MAGI2: variants seen among roughly 807,000 people sequenced by gnomAD.
MAGI2 encodes membrane associated guanylate kinase, WW and PDZ domain containing 2.
Under a neutral mutation model 133.3 loss-of-function variants are expected in MAGI2, and 35 were observed. That is an observed-to-expected ratio of 0.26 (90% CI 0.20 to 0.35). The LOEUF (loss-of-function observed/expected upper bound fraction) is 0.35. MAGI2 is among the 10% of genes least tolerant of loss of function. The pLI is 1.00. For missense variants in MAGI2, 1,636 were observed against 1,863.4 expected (o/e 0.88, Z 2.25); for synonymous variants, 729 against 710.6 (o/e 1.03, Z -0.41).
At chr7:78,870,372 ATAG>A (rs1794936857) in intron 2 of MAGI2, among the ~76,000 whole-genome samples, 1 of 144,040 alleles carries the variant, frequency 6.9e-6, no homozygotes, top group South Asian at 2.2e-4. Context: ...AAAAAAAAAA[ATAG>A]TAGTAGGCAA....
intron 6 of MAGI2, among the ~76,000 whole-genome samples, chr7:78,473,325 T>C (rs1166165701): frequency 2.0e-5 from 3 of 152,110 alleles, no homozygotes; most frequent in Non-Finnish European, 2.9e-5. Context: ...ATAAATTGAA[T>C]CTACAGATTT....
At chr7:78,311,814 A>G (rs964944425) in intron 9 of MAGI2, among the ~76,000 whole-genome samples, 1 of 150,428 alleles carries the variant, frequency 6.6e-6, no homozygotes, top group Non-Finnish European at 1.5e-5. Context: ...TGTGTCATCC[A>G]GGCTGGAGTG....
chr7:79,153,843 C>G lies in MAGI2; in HGVS notation c.302-146637G>C, dbSNP rs1020358121. Among the ~76,000 whole-genome samples, 7 of 152,230 alleles carry G rather than the reference C, an allele frequency of 4.6e-5. No individual in the cohort carries two copies. In the East Asian group the frequency reaches 5.8e-4, roughly 13 times the overall value. Reference sequence around the variant, plus strand: ...TAAAGCCTCATTACTTCCAAGGCCACCTTTCACTGTGATCTAGTGTATAAA... The same window carrying G: ...TAAAGCCTCATTACTTCCAAGGCCAGCTTTCACTGTGATCTAGTGTATAAA... On this transcript the variant is annotated intron_variant, in intron 1 of 21. Transcript: ENST00000354212.
chr7:79,449,873 TATAC>T (rs1434811508), intron 1 of MAGI2, among the ~76,000 whole-genome samples: 7 of 84,734 alleles, frequency 8.3e-5, no homozygotes, highest in African/African-American at 3.1e-4. Context: ...CTGTGAGATA[TATAC>T]ATATATATAT....
At chr7:79,399,095 C>CTTTTTTGTTTTTTTTTTTTTTTTTTTTT (rs1845285057) in intron 1 of MAGI2, among the ~76,000 whole-genome samples, 1 of 106,298 alleles carries the variant, frequency 9.4e-6, no homozygotes, top group Admixed American at 9.9e-5. Flanking sequence ...TTTTTCTTTT[C>CTTTTTTGTTTTTTTTTTTTTTTTTTTTT]TTTTTTTTTT....
chr7:78,150,072 C>CAATTGCAA (rs1381844338), intron 16 of MAGI2, among the ~76,000 whole-genome samples: 14 of 152,250 alleles, frequency 9.2e-5, no homozygotes, highest in African/African-American at 3.4e-4. Flanking sequence ...AATCCAGCTT[C>CAATTGCAA]AATTGCAAAA....
At chr7:78,582,286 G>A (rs1463149590) in intron 3 of MAGI2, among the ~76,000 whole-genome samples, 1 of 152,166 alleles carries the variant, frequency 6.6e-6, no homozygotes, top group Non-Finnish European at 1.5e-5. Flanking sequence ...GAGCAACCAC[G>A]TGGGAAGTGA....
chr7:78,451,698 T>C (rs893209185), intron 6 of MAGI2, among the ~76,000 whole-genome samples: 2 of 152,144 alleles, frequency 1.3e-5, no homozygotes, highest in African/African-American at 4.8e-5. Flanking sequence ...AGTTTCTGCA[T>C]AAAGCACTGG....
rs373266529 is a variant in MAGI2, at chr7:78,256,645, GAATT to G, written c.1409-68_1409-65del. ...CAATTAACATTGACATAGAGAAATG[GAATT>G]ATTTACGAGACTAGTGAGAGGTGTT... is the stretch of plus-strand genomic sequence containing the variant. On this transcript the variant is annotated intron_variant, in intron 9 of 21. Coordinates refer to ENST00000354212, the MANE Select transcript of MAGI2 (RefSeq NM_012301.4). 161 of 1,369,918 alleles carry G rather than the reference GAATT, an allele frequency of 1.2e-4. No individual in the cohort carries two copies. In the African/African-American group the frequency reaches 2.0e-3, roughly 17 times the overall value. The allele number at this position is 1,369,918 out of a possible 1,614,324, so 84.9% of individuals were successfully genotyped here. A position where few individuals can be genotyped will look rare whatever the true frequency, so the allele number is the denominator to read the frequency against.
chr7:79,324,787 C>T (rs1375587611), intron 1 of MAGI2, among the ~76,000 whole-genome samples: 3 of 143,334 alleles, frequency 2.1e-5, no homozygotes, highest in East Asian at 4.1e-4. Context: ...AAGCAGTGAT[C>T]CTCATTTTTA....
intron 21 of MAGI2, among the ~76,000 whole-genome samples, chr7:78,074,644 G>T (rs1336987701): frequency 2.6e-5 from 4 of 152,072 alleles, no homozygotes; most frequent in Non-Finnish European, 5.9e-5. Context: ...CTATTATTTT[G>T]CTGTTACCCA....
At chr7:79,044,458 A>G (rs1584776288) in intron 1 of MAGI2, among the ~76,000 whole-genome samples, 1 of 152,316 alleles carries the variant, frequency 6.6e-6, no homozygotes, top group Non-Finnish European at 1.5e-5. Flanking sequence ...CATCCATAAA[A>G]AACCACAGCC....
intron 1 of MAGI2, among the ~76,000 whole-genome samples, chr7:79,364,919 T>A (rs66642181): frequency 0.27 from 21,953 of 81,076 alleles, 1,712 homozygotes; most frequent in African/African-American, 0.41. Context: ...AAAAAAAAAA[T>A]ACTTTTGCTC....
At chr7:78,545,878 C>T (rs771159880) in intron 3 of MAGI2, among the ~76,000 whole-genome samples, 4 of 152,092 alleles carry the variant, frequency 2.6e-5, no homozygotes, top group Admixed American at 6.6e-5. Context: ...AAATAAAATG[C>T]ATTAACTTTA....
At chr7:79,203,968 G>T (rs1213809212) in intron 1 of MAGI2, among the ~76,000 whole-genome samples, 4 of 152,150 alleles carry the variant, frequency 2.6e-5, no homozygotes, top group African/African-American at 7.2e-5. Flanking sequence ...CACAGTATTT[G>T]GTTGTAGTAC....
intron 2 of MAGI2, among the ~76,000 whole-genome samples, chr7:78,771,811 G>C (rs1380300523): frequency 6.6e-6 from 1 of 152,072 alleles, no homozygotes; most frequent in African/African-American, 2.4e-5. Context: ...AAACACCAAA[G>C]CACATAGCAT....
chr7:79,394,995 A>G (rs990140404), intron 1 of MAGI2, among the ~76,000 whole-genome samples: 2 of 152,368 alleles, frequency 1.3e-5, no homozygotes, highest in Non-Finnish European at 1.5e-5. Flanking sequence ...ATACAGAAAT[A>G]TGAAATTCTG....
At chr7:78,332,484 G>C (rs965144459) in intron 9 of MAGI2, among the ~76,000 whole-genome samples, 1 of 152,168 alleles carries the variant, frequency 6.6e-6, no homozygotes, top group African/African-American at 2.4e-5. Flanking sequence ...GGATCACAAG[G>C]TCAGGAGATC....
chr7:78,201,066 T>TG lies in MAGI2; in HGVS notation c.2079+95dup, dbSNP rs1205855778. ...TTTTTACATCACAGACTCCTAGAGTTGAAAGAGATTTTGAGGTCACCCAAT... is the reference window on the plus strand; with the variant it reads ...TTTTTACATCACAGACTCCTAGAGTTGGAAAGAGATTTTGAGGTCACCCAAT... On this transcript the variant is annotated intron_variant, in intron 11 of 21. Coordinates refer to ENST00000354212, the MANE Select transcript of MAGI2 (RefSeq NM_012301.4). 7 of 773,810 alleles carry TG rather than the reference T, an allele frequency of 9.0e-6. No individual in the cohort carries two copies. In the African/African-American group the frequency reaches 1.1e-4, roughly 12 times the overall value. The allele number at this position is 773,810 out of a possible 1,614,324, so 47.9% of individuals were successfully genotyped here.
Sources: gnomAD v4.1 joint callset for allele counts (sites outside exome capture counted in the v4.1 genomes callset) on GRCh38, gnomAD v4.1.1 for gene constraint, MANE v1.5 for transcripts, NCBI Gene and HGNC (gene_info 2026-07-23, HGNC 2026-07-21) for gene names.